The following NCOA1 variants were observed in gnomAD, a reference collection of about 807,000 sequenced individuals.
NCOA1 encodes nuclear receptor coactivator 1.
NCOA1 carries 35 observed loss-of-function variants against 150.9 expected under a neutral mutation model. The observed-to-expected ratio is 0.23, with a 90% CI of 0.18 to 0.31. The LOEUF (loss-of-function observed/expected upper bound fraction) is 0.31, where lower values mean the gene tolerates loss of function less well. NCOA1 is among the 10% of genes least tolerant of loss of function. The pLI, the probability that NCOA1 is intolerant of heterozygous loss-of-function variation, is 1.00. For missense variants in NCOA1, 1,491 were observed against 1,749.3 expected, an observed-to-expected ratio of 0.85 and a Z score of 2.63; for synonymous variants, 590 against 630.0, an observed-to-expected ratio of 0.94 and a Z score of 0.95.
chr2:24,749,710 T>G lies in NCOA1; in HGVS notation c.3707-2272T>G, dbSNP rs1179138710. On this transcript the variant is annotated intron_variant, in intron 19 of 22. Coordinates refer to ENST00000348332, the MANE Select transcript of NCOA1 (RefSeq NM_003743.5). ...CAGCCCAGACAAAGGTCAAAAATAT[T>G]TAAAAGAAGAGAAAAAAAATCCAAC... Among the ~76,000 whole-genome samples, 7 of 152,070 alleles carry G rather than the reference T, an allele frequency of 4.6e-5. No individual in the cohort carries two copies. In the East Asian group the frequency reaches 1.3e-3, roughly 29 times the overall value.
At chr2:24,725,710 TGTGC>T (rs1268556615) in intron 14 of NCOA1, among the ~76,000 whole-genome samples, 7 of 56,850 alleles carry the variant, frequency 1.2e-4, no homozygotes, top group Non-Finnish European at 1.9e-4. Flanking sequence ...GGACCTAAAG[TGTGC>T]GTGTGTGTGT....
At chr2:24,674,664 C>T (rs901134516) in intron 7 of NCOA1, among the ~76,000 whole-genome samples, 1 of 152,140 alleles carries the variant, frequency 6.6e-6, no homozygotes, top group African/African-American at 2.4e-5. Flanking sequence ...TGGATATCTA[C>T]ATCATGGAAT....
intron 1 of NCOA1, among the ~76,000 whole-genome samples, chr2:24,541,753 A>G (rs1665408558): frequency 6.6e-6 from 1 of 152,244 alleles, no homozygotes; most frequent in Non-Finnish European, 1.5e-5. Flanking sequence ...GAACATGGCC[A>G]TCCCTCTTGT....
chr2:24,687,370 A>C (rs551510891), intron 8 of NCOA1, among the ~76,000 whole-genome samples: 1 of 150,988 alleles, frequency 6.6e-6, no homozygotes, highest in African/African-American at 2.4e-5. Flanking sequence ...TTTTTTTTTT[A>C]ACTTTTATTT....
rs13430612 is a variant in NCOA1, at chr2:24,739,622, T to C, written c.3303+89T>C. ...TGACTTGAGTGTCTTTGAAATGGTC[T>C]GTGAGCTGATCTTTTAATGATGTTT... On this transcript the variant is annotated intron_variant, in intron 18 of 22. Transcript: ENST00000348332. 1.5e-3 allele frequency: 1,333 copies of C among 903,278 alleles called. 15 individuals carry two copies. In the African/African-American group the frequency reaches 0.019, roughly 13 times the overall value. The allele number at this position is 903,278 out of a possible 1,614,324, so 56.0% of individuals were successfully genotyped here. A position where few individuals can be genotyped will look rare whatever the true frequency, so the allele number is the denominator to read the frequency against.
intron 4 of NCOA1, among the ~76,000 whole-genome samples, chr2:24,653,722 A>G (rs951389598): frequency 1.3e-5 from 2 of 152,200 alleles, no homozygotes; most frequent in African/African-American, 4.8e-5. Flanking sequence ...TTTTGAGAAC[A>G]AGTAGAATTT....
rs1663632189 is a variant in NCOA1 at position 24,742,084 on chromosome 2, A to C, written c.3604A>C (p.Asn1202His). 6.2e-7 allele frequency: 1 copy of C among 1,614,120 alleles called. No homozygotes were observed. Among genetic ancestry groups the C allele is most frequent in the Non-Finnish European group, 8.5e-7 (1 of 1,180,046 alleles). Reference protein sequence around the residue: ...ANPEASLANRNSMVSRGMTGN... With the variant: ...ANPEASLANRHSMVSRGMTGN... ...TCCTGAAGCATCCTTGGCCAACCGC[A>C]ACAGCATGGTGAGCAGAGGCATGAC... Residue 1202 changes from asparagine (N) to histidine (H), a missense_variant, in exon 19 of 23, where the codon AAC (asparagine) becomes CAC (histidine). Physicochemically the swap from Asn to His is moderately conservative, Grantham distance 68. Around this residue, in one of 8 missense-constraint regions of NCOA1, gnomAD observed 485 missense variants for 522.8 expected, o/e 0.93. Coordinates refer to ENST00000348332, the MANE Select transcript of NCOA1 (RefSeq NM_003743.5).
rs1663366675 is a variant in NCOA1, at chr2:24,499,550, G to C, written c.-396+7948G>C. ...ATTGACTTTTTTTTTTAAGCAGTAA[G>C]TATTCTTTTAAACAGTGTATTATCA... On this transcript the variant is annotated intron_variant, in intron 1 of 22. Transcript: ENST00000348332. 2.0e-5 allele frequency among the ~76,000 whole-genome samples: 3 copies of C among 151,792 alleles called. No individual in the cohort carries two copies. The South Asian group carries it at 6.2e-4, about 32-fold the overall frequency.
intron 5 of NCOA1, among the ~76,000 whole-genome samples, chr2:24,664,115 A>G (rs867388596): frequency 4.6e-5 from 7 of 152,352 alleles, no homozygotes; most frequent in Middle Eastern, 6.8e-3. Flanking sequence ...AAAACCTTGT[A>G]TGTATCAAAA....
chr2:24,745,296 G>A (rs1447136362), intron 19 of NCOA1, among the ~76,000 whole-genome samples: 3 of 151,648 alleles, frequency 2.0e-5, no homozygotes, highest in African/African-American at 7.3e-5. Flanking sequence ...CGAGTAGCTG[G>A]GACTACAGGC....
intron 1 of NCOA1, among the ~76,000 whole-genome samples, chr2:24,540,875 G>A (rs1558778522): frequency 6.6e-6 from 1 of 152,188 alleles, no homozygotes; most frequent in Non-Finnish European, 1.5e-5. Flanking sequence ...CATATGTGTG[G>A]GAATGAGACA....
chr2:24,605,720 G>T (rs190228121), intron 3 of NCOA1, among the ~76,000 whole-genome samples: 1 of 152,268 alleles, frequency 6.6e-6, no homozygotes, highest in Non-Finnish European at 1.5e-5. Context: ...CACAGAGTTA[G>T]GTTGAATTTT....
intron 5 of NCOA1, among the ~76,000 whole-genome samples, chr2:24,659,789 A>C (rs1452304868): frequency 1.3e-5 from 2 of 152,106 alleles, no homozygotes; most frequent in East Asian, 1.9e-4. Context: ...TAGGATGTTT[A>C]GCAGTATCCC....
intron 3 of NCOA1, among the ~76,000 whole-genome samples, chr2:24,588,399 C>T (rs1387583355): frequency 2.6e-5 from 4 of 152,170 alleles, no homozygotes; most frequent in African/African-American, 9.7e-5. Flanking sequence ...CATGCACTTG[C>T]AGAGACAAGG....
chr2:24,649,003 T>C (rs1670598509), intron 4 of NCOA1, among the ~76,000 whole-genome samples: 1 of 152,138 alleles, frequency 6.6e-6, no homozygotes, highest in Non-Finnish European at 1.5e-5. Flanking sequence ...TTCTGGCTTC[T>C]AGCTGTTTTT....
intron 1 of NCOA1, among the ~76,000 whole-genome samples, chr2:24,556,771 C>T (rs574072478): frequency 2.0e-5 from 3 of 152,248 alleles, no homozygotes; most frequent in Admixed American, 6.5e-5. Context: ...CACTTTTATG[C>T]TGTTGGTCAG....
chr2:24,595,770 G>A (rs1001686594), intron 3 of NCOA1, among the ~76,000 whole-genome samples: 7 of 152,034 alleles, frequency 4.6e-5, no homozygotes, highest in African/African-American at 1.7e-4. Flanking sequence ...AGGTTATGGA[G>A]CTCTCAACTA....
At chr2:24,561,519 G>A (rs911975153) in intron 1 of NCOA1, among the ~76,000 whole-genome samples, 1 of 152,178 alleles carries the variant, frequency 6.6e-6, no homozygotes, top group South Asian at 2.1e-4. Context: ...TTGGAAAATT[G>A]TGAAGGACAA....
At chr2:24,765,007 C>A (rs1664975700) in intron 22 of NCOA1, among the ~76,000 whole-genome samples, 1 of 152,028 alleles carries the variant, frequency 6.6e-6, no homozygotes, top group Admixed American at 6.6e-5. Flanking sequence ...CATGGAGAAA[C>A]CCTGCCTAAA....
Sources: allele counts gnomAD v4.1 joint callset (sites outside exome capture counted in the v4.1 genomes callset), GRCh38; gene constraint gnomAD v4.1.1; regional missense constraint gnomAD v4.1.1; transcripts MANE v1.5; gene names NCBI Gene and HGNC (gene_info 2026-07-23, HGNC 2026-07-21).